NT5DC1: variants seen among roughly 807,000 people sequenced by gnomAD.
The protein encoded by NT5DC1 is 5'-nucleotidase domain-containing protein 1.
In NT5DC1, 42 loss-of-function variants were observed where a neutral mutation model predicts 59.4. The observed-to-expected ratio is 0.71, with a 90% CI of 0.55 to 0.92. The LOEUF is 0.92. Ranked by LOEUF, NT5DC1 falls within the 40% of genes least tolerant of loss-of-function variation. The pLI is 0.00. For missense variants in NT5DC1, 501 were observed against 537.1 expected, an observed-to-expected ratio of 0.93 and a Z score of 0.66; for synonymous variants, 172 against 188.1, an observed-to-expected ratio of 0.91 and a Z score of 0.70.
chr6:116,204,884 G>A (rs1383515685), intron 6 of NT5DC1, among the ~76,000 whole-genome samples: 1 of 151,984 alleles, frequency 6.6e-6, no homozygotes. Flanking sequence ...ATTTAAGTAC[G>A]TGGCTAGATT....
At chr6:116,121,468 A>C in intron 6 of NT5DC1, 2 of 1,614,006 alleles carry the variant, frequency 1.2e-6, no homozygotes, top group Non-Finnish European at 1.7e-6. Flanking sequence ...CCACTCCAGG[A>C]GGGCCAGATG....
At position 116,248,933 on chromosome 6, in the gene NT5DC1, A is replaced by G. The variant is rs538262033; in HGVS notation, c.*4909A>G. 6.6e-6 allele frequency: 1 copy of G among 152,364 alleles called. No homozygotes were observed. Among genetic ancestry groups the G allele is most frequent in the South Asian group, 2.1e-4 (1 of 4,830 alleles). 9.4% of individuals were successfully genotyped at this position (152,364 alleles called of 1,614,324 possible). A position where few individuals can be genotyped will look rare whatever the true frequency, so the allele number is the denominator to read the frequency against. On this transcript the variant is annotated 3_prime_UTR_variant, in exon 12 of 12. Coordinates refer to ENST00000319550, the MANE Select transcript of NT5DC1 (RefSeq NM_152729.3). Reference sequence around the variant, plus strand: ...CAGAAACCATGCTAATCTGTAACAAATAAGTGGCGCCAGCCTATTACAGTG... The same window carrying G: ...CAGAAACCATGCTAATCTGTAACAAGTAAGTGGCGCCAGCCTATTACAGTG...
chr6:116,111,340 A>G lies in NT5DC1; in HGVS notation c.364+384A>G, dbSNP rs541303303. ...ACATTACCTACCACTCCTATTTTCTATGATTATCTTCCTTACTGCCAGTTT... is the reference window on the plus strand; with the variant it reads ...ACATTACCTACCACTCCTATTTTCTGTGATTATCTTCCTTACTGCCAGTTT... On this transcript the variant is annotated intron_variant, in intron 4 of 11. Transcript: ENST00000319550. Among the ~76,000 whole-genome samples, 3 of 152,210 alleles carry G rather than the reference A, an allele frequency of 2.0e-5. No homozygotes were observed. In the South Asian group the frequency reaches 6.2e-4, roughly 32 times the overall value.
intron 6 of NT5DC1, among the ~76,000 whole-genome samples, chr6:116,216,934 C>A (rs1308641853): frequency 6.6e-5 from 10 of 152,024 alleles, no homozygotes; most frequent in African/African-American, 4.8e-5. Context: ...ATATTTAAAT[C>A]TCTTCTAAAT....
chr6:116,242,194 C>T (rs958700335), intron 11 of NT5DC1, among the ~76,000 whole-genome samples: 1 of 151,298 alleles, frequency 6.6e-6, no homozygotes, highest in Non-Finnish European at 1.5e-5. Flanking sequence ...CACGGTGAAA[C>T]CCCATCTCTA....
chr6:116,224,453 T>C (rs1260905025), intron 8 of NT5DC1, among the ~76,000 whole-genome samples: 2 of 152,200 alleles, frequency 1.3e-5, no homozygotes, highest in African/African-American at 4.8e-5. Context: ...GCACGTGTCA[T>C]GAAGCTAATA....
chr6:116,237,368 A>T (rs1782135639), intron 9 of NT5DC1: 4 of 550,618 alleles, frequency 7.3e-6, no homozygotes, highest in Admixed American at 2.2e-5. Context: ...GCTACAGACT[A>T]GCTTAAAGAT....
chr6:116,139,944 TG>T (rs1562134775), intron 6 of NT5DC1, among the ~76,000 whole-genome samples: 1 of 152,176 alleles, frequency 6.6e-6, no homozygotes, highest in Non-Finnish European at 1.5e-5. Context: ...ATTGGACTTG[TG>T]TTTATTGAGA....
At chr6:116,237,183 C>T (rs1195733079) in intron 9 of NT5DC1, 99 bp downstream of exon 9, 1 of 723,246 alleles carries the variant, frequency 1.4e-6, no homozygotes, top group Non-Finnish European at 2.5e-6. Flanking sequence ...CTTAAATAAG[C>T]CTTTCCTTTG....
chr6:116,163,126 C>CAAAAAAAAAA (rs71272373), intron 6 of NT5DC1, among the ~76,000 whole-genome samples: 13 of 84,306 alleles, frequency 1.5e-4, no homozygotes, highest in South Asian at 3.4e-4. Context: ...GACTCCGTCT[C>CAAAAAAAAAA]AAAAAAAAAA....
intron 6 of NT5DC1, among the ~76,000 whole-genome samples, chr6:116,206,887 C>G (rs936416224): frequency 6.6e-6 from 1 of 151,858 alleles, no homozygotes; most frequent in African/African-American, 2.4e-5. Context: ...TAACATTTGC[C>G]AAATAATTGT....
chr6:116,237,722 C>T (rs1363964858), intron 9 of NT5DC1: 3 of 307,124 alleles, frequency 9.8e-6, no homozygotes, highest in African/African-American at 6.5e-5. Context: ...TGCCCAGCCC[C>T]ACTCTCACAG....
Position 116,122,059 on chromosome 6 carries a change from T to G in NT5DC1, c.529+4114T>G, listed in dbSNP as rs1779148920. On this transcript the variant is annotated intron_variant, in intron 6 of 11. Transcript: ENST00000319550. ...CAAACTATGAATTGGGACACGATAT[T>G]TCAGCATCATTTATTCCATGTAGAC... The G allele has an allele frequency of 5.9e-6, 6 of 1,016,826 alleles. No individual in the cohort carries two copies. The South Asian group carries it at 7.6e-5, about 13-fold the overall frequency. 63.0% of individuals were successfully genotyped at this position (1,016,826 alleles called of 1,614,324 possible).
chr6:116,101,160 C>T (rs2114892388), intron 1 of NT5DC1, 137 bp downstream of exon 1: 1 of 626,394 alleles, frequency 1.6e-6, no homozygotes, highest in Non-Finnish European at 2.7e-6. Flanking sequence ...GCGCGGCCTC[C>T]AGCGGCGAGA....
chr6:116,139,321 A>G (rs1314369541), intron 6 of NT5DC1, among the ~76,000 whole-genome samples: 1 of 152,160 alleles, frequency 6.6e-6, no homozygotes, highest in Non-Finnish European at 1.5e-5. Flanking sequence ...ACAAATGATG[A>G]TTAAACTCTT....
intron 6 of NT5DC1, among the ~76,000 whole-genome samples, chr6:116,168,111 C>G (rs1338550570): frequency 6.4e-5 from 9 of 140,656 alleles, no homozygotes; most frequent in Non-Finnish European, 1.2e-4. Flanking sequence ...TTAAATTCTC[C>G]TTGGAGGGCT....
intron 8 of NT5DC1, among the ~76,000 whole-genome samples, chr6:116,236,055 A>G (rs1446105228): frequency 1.3e-5 from 2 of 152,246 alleles, no homozygotes; most frequent in Admixed American, 6.5e-5. Context: ...TATCCAGCAT[A>G]GGATTGTATC....
intron 6 of NT5DC1, among the ~76,000 whole-genome samples, chr6:116,191,275 G>A (rs898162748): frequency 6.6e-6 from 1 of 151,988 alleles, no homozygotes; most frequent in Non-Finnish European, 1.5e-5. Context: ...AGGACAAGTT[G>A]CTTCAAGATG....
At chr6:116,121,382 G>C (rs1412819049) in intron 6 of NT5DC1, 1 of 1,614,068 alleles carries the variant, frequency 6.2e-7, no homozygotes, top group Non-Finnish European at 8.5e-7. Flanking sequence ...TGGGCCAATT[G>C]GTCCCATTTC....
Sources: allele counts gnomAD v4.1 joint callset (sites outside exome capture counted in the v4.1 genomes callset), GRCh38; gene constraint gnomAD v4.1.1; transcripts MANE v1.5; gene names NCBI Gene and HGNC (gene_info 2026-07-23, HGNC 2026-07-21).